CACNA2D1: variants seen among roughly 807,000 people sequenced by gnomAD.
The protein encoded by CACNA2D1 is voltage-dependent calcium channel subunit alpha-2/delta-1.
In CACNA2D1, 53 loss-of-function variants were observed where a neutral mutation model predicts 171.5. The observed-to-expected ratio is 0.31, with a 90% CI of 0.25 to 0.39. CACNA2D1 has a LOEUF of 0.39. CACNA2D1 is among the 10% of genes least tolerant of loss of function. The probability of loss-of-function intolerance (pLI) is 1.00; values close to 1 mark genes in which losing one functional copy is unlikely to be tolerated. For synonymous variants in CACNA2D1, 442 were observed against 443.1 expected (o/e 1.00, Z 0.03); for missense variants, 903 against 1,299.8 (o/e 0.69, Z 4.69).
At chr7:82,004,487 A>T (rs185405992) in intron 18 of CACNA2D1, among the ~76,000 whole-genome samples, 1 of 151,670 alleles carries the variant, frequency 6.6e-6, no homozygotes, top group African/African-American at 2.4e-5. Flanking sequence ...CATTTAATGT[A>T]TTTTTGCATT....
At chr7:82,378,545 T>A (rs886591073) in intron 1 of CACNA2D1, among the ~76,000 whole-genome samples, 2 of 152,214 alleles carry the variant, frequency 1.3e-5, no homozygotes, top group African/African-American at 4.8e-5. Context: ...ACGATAGAAT[T>A]TCTTTTGAAC....
At chr7:82,042,293 C>T (rs1804061809) in intron 10 of CACNA2D1, among the ~76,000 whole-genome samples, 1 of 152,058 alleles carries the variant, frequency 6.6e-6, no homozygotes, top group Admixed American at 6.6e-5. Context: ...TTTTCATGGG[C>T]TGAAGTGGCA....
chr7:82,395,895 A>T (rs1344263203), intron 1 of CACNA2D1, among the ~76,000 whole-genome samples: 1 of 152,240 alleles, frequency 6.6e-6, no homozygotes, highest in African/African-American at 2.4e-5. Context: ...TAAAATGGGC[A>T]TAAAACACAT....
chr7:82,076,021 T>A (rs1462219580), intron 7 of CACNA2D1, among the ~76,000 whole-genome samples: 1 of 152,180 alleles, frequency 6.6e-6, no homozygotes, highest in African/African-American at 2.4e-5. Context: ...CCAACCTGTT[T>A]ACCTACTCTA....
At chr7:82,004,200 A>G (rs1798897318) in intron 18 of CACNA2D1, among the ~76,000 whole-genome samples, 1 of 152,220 alleles carries the variant, frequency 6.6e-6, no homozygotes, top group African/African-American at 2.4e-5. Context: ...TAGGATGATT[A>G]GCCAAACATA....
At chr7:82,292,127 C>G (rs962913279) in intron 3 of CACNA2D1, among the ~76,000 whole-genome samples, 26 of 152,046 alleles carry the variant, frequency 1.7e-4, no homozygotes, top group Admixed American at 6.5e-5. Context: ...CATAGCTAAG[C>G]AATGTAGTGT....
chr7:82,111,389 TATATGTATATATATATTC>T (rs1788388118), intron 6 of CACNA2D1, among the ~76,000 whole-genome samples: 1 of 134,552 alleles, frequency 7.4e-6, no homozygotes, highest in Non-Finnish European at 1.6e-5. Context: ...TATATGTGTA[TATATGTATATATATATTC>T]ATATATGTGT....
At chr7:82,059,988 G>C (rs1584582185) in intron 10 of CACNA2D1, among the ~76,000 whole-genome samples, 2 of 40,680 alleles carry the variant, frequency 4.9e-5, no homozygotes, top group Non-Finnish European at 9.1e-5. Context: ...ACACACCAGG[G>C]CCTGTTGTGG....
At chr7:82,002,370 A>G (rs1239184303) in intron 18 of CACNA2D1, among the ~76,000 whole-genome samples, 1 of 152,208 alleles carries the variant, frequency 6.6e-6, no homozygotes, top group African/African-American at 2.4e-5. Context: ...CCCAGTCTTC[A>G]GAACTGTGAG....
chr7:82,003,690 G>A (rs1200631950), intron 18 of CACNA2D1, among the ~76,000 whole-genome samples: 1 of 150,336 alleles, frequency 6.7e-6, no homozygotes, highest in Non-Finnish European at 1.5e-5. Context: ...TTTGGGTAAG[G>A]GTTAAGGTTT....
intron 6 of CACNA2D1, among the ~76,000 whole-genome samples, chr7:82,089,840 T>A (rs1810921545): frequency 6.6e-6 from 1 of 152,090 alleles, no homozygotes; most frequent in Non-Finnish European, 1.5e-5. Flanking sequence ...TTGCTCCCTC[T>A]TAAGTTTGAA....
At chr7:82,001,453 T>C (rs1251787480) in intron 18 of CACNA2D1, among the ~76,000 whole-genome samples, 1 of 152,210 alleles carries the variant, frequency 6.6e-6, no homozygotes, top group Non-Finnish European at 1.5e-5. Flanking sequence ...TTGCAATCTT[T>C]GGTTAGCCAA....
chr7:82,428,954 G>T (rs17156308), intron 1 of CACNA2D1, among the ~76,000 whole-genome samples: 3,128 of 152,224 alleles, frequency 0.021, 105 homozygotes, highest in East Asian at 0.12. Flanking sequence ...CAATTTTTGG[G>T]AGTTAGTAGA....
intron 13 of CACNA2D1, among the ~76,000 whole-genome samples, 183 bp downstream of exon 13, chr7:82,014,218 T>A (rs1800145049): frequency 6.6e-6 from 1 of 152,170 alleles, no homozygotes; most frequent in Non-Finnish European, 1.5e-5. Context: ...AATTTTCATA[T>A]AATGTAATGC....
chr7:82,443,879 G>A (rs1266988760), upstream of CACNA2D1: 1 of 391,776 alleles, frequency 2.6e-6, no homozygotes, highest in Non-Finnish European at 4.4e-6. Flanking sequence ...GAGGGTGGGG[G>A]TGGCTGCAGG....
chr7:82,012,845 T>G (rs1799962389), intron 14 of CACNA2D1, among the ~76,000 whole-genome samples: 1 of 152,132 alleles, frequency 6.6e-6, no homozygotes, highest in Non-Finnish European at 1.5e-5. Context: ...GATCTTCAGC[T>G]ATGTTTAAAA....
chr7:82,217,793 A>G (rs1361689774), intron 3 of CACNA2D1, among the ~76,000 whole-genome samples: 2 of 151,668 alleles, frequency 1.3e-5, no homozygotes. Flanking sequence ...TTTGAAAACT[A>G]CTTTTCAGCT....
intron 11 of CACNA2D1, 34 bp from the exon 12 acceptor site, chr7:82,032,935 G>A (rs370325026): frequency 1.9e-4 from 214 of 1,097,908 alleles, no homozygotes; most frequent in Non-Finnish European, 2.6e-4. Flanking sequence ...AACAATATGC[G>A]TATTATTCAC....
At chr7:82,213,255 A>C (rs1800754795) in intron 3 of CACNA2D1, among the ~76,000 whole-genome samples, 1 of 152,188 alleles carries the variant, frequency 6.6e-6, no homozygotes, top group Non-Finnish European at 1.5e-5. Context: ...AGACAACTAT[A>C]TAATATGATA....
Sources: allele counts gnomAD v4.1 joint callset (sites outside exome capture counted in the v4.1 genomes callset), GRCh38; gene constraint gnomAD v4.1.1; transcripts MANE v1.5; gene names NCBI Gene and HGNC (gene_info 2026-07-23, HGNC 2026-07-21).